The following SYT5 variants were observed in gnomAD, a reference collection of about 807,000 sequenced individuals.
SYT5 encodes the protein synaptotagmin 5.
In SYT5, 29 loss-of-function variants were observed where a neutral mutation model predicts 36.0. The observed-to-expected ratio is 0.81, with a 90% CI of 0.60 to 1.10. The LOEUF (loss-of-function observed/expected upper bound fraction) is 1.10. Ranked by LOEUF, SYT5 falls within the 50% of genes least tolerant of loss-of-function variation. SYT5 has a pLI of 0.00. For missense variants in SYT5, 512 were observed against 516.0 expected (o/e 0.99, Z 0.08); for synonymous variants, 231 against 227.6 (o/e 1.02, Z -0.14).
Position 55,175,428 on chromosome 19 carries a change from G to A in SYT5, c.541-89C>T. 1.5e-6 allele frequency: 2 copies of A among 1,373,816 alleles called. No homozygotes were observed. The highest frequency in any genetic ancestry group is 1.9e-4 in the Middle Eastern group (1 of 5,334). 85.1% of individuals were successfully genotyped at this position (1,373,816 alleles called of 1,614,324 possible). A position where few individuals can be genotyped will look rare whatever the true frequency, so the allele number is the denominator to read the frequency against. On this transcript the variant is annotated intron_variant, in intron 5 of 8. Coordinates refer to ENST00000354308, the MANE Select transcript of SYT5 (RefSeq NM_003180.3). The surrounding 1 kb of genome is among the most constrained non-coding windows in gnomAD (Gnocchi z 4.5). ...AACCAGAAGGAAGGCATGGAGTGAG[G>A]CAGCGAGGGTCGAAGCGAACAGTTG...
Position 55,175,074 on chromosome 19 carries a change from C to T in SYT5, c.709-75G>A. On this transcript the variant is annotated intron_variant, in intron 6 of 8. Transcript: ENST00000354308. This position sits in a 1 kb window ranked among gnomAD's most constrained non-coding sequence, Gnocchi z 4.5. ...TCCTCAGGGGTACAATCCACGCCGC[C>T]CTGAGGGTCTGGAAAGCCTATGATC... is the stretch of plus-strand genomic sequence containing the variant. 1.3e-6 allele frequency: 2 copies of T among 1,597,556 alleles called. No homozygotes were observed. The highest frequency in any genetic ancestry group is 2.7e-5 in the African/African-American group (2 of 74,850).
Position 55,178,276 on chromosome 19 carries a change from G to A in SYT5, c.172C>T (p.Arg58Trp), listed in dbSNP as rs752788782. ...TGGGCCTGGCTCTTCTTGCCTGTCC[G>A]CCTCCGACAGCTCTTCCGGTAGAGA... Reference protein sequence around the residue: ...FCLYRKSCRRRTGKKSQAQAQ... With the variant: ...FCLYRKSCRRWTGKKSQAQAQ... Residue 58 changes from arginine (R) to tryptophan (W), a missense_variant, in exon 3 of 9, where the codon CGG (arginine) becomes TGG (tryptophan). Arg to Trp is a moderately radical substitution (Grantham distance 101). Transcript: ENST00000354308. 23 of 1,610,598 alleles carry A rather than the reference G, an allele frequency of 1.4e-5. No individual in the cohort carries two copies. The highest frequency in any genetic ancestry group is 1.9e-5 in the Non-Finnish European group (22 of 1,178,726).
At position 55,173,999 on chromosome 19, in the gene SYT5, C is replaced by T; in HGVS notation, c.961-315G>A. ...GAGCCGCAAAGCTGCAGAACTTTAA[C>T]AGGGGCCGGGCTAGGGTAGGCGCCG... On this transcript the variant is annotated intron_variant, in intron 8 of 8. Coordinates refer to ENST00000354308, the MANE Select transcript of SYT5 (RefSeq NM_003180.3). The surrounding 1 kb of genome is among the most constrained non-coding windows in gnomAD (Gnocchi z 5.4). 6.0e-6 allele frequency: 2 copies of T among 335,482 alleles called. No homozygotes were observed. Among genetic ancestry groups the T allele is most frequent in the Non-Finnish European group, 5.4e-6 (1 of 186,508 alleles). 20.8% of individuals were successfully genotyped at this position (335,482 alleles called of 1,614,324 possible).
At position 55,180,155 on chromosome 19, in the gene SYT5, G is replaced by C. The variant is rs539023216; in HGVS notation, c.-84C>G. ...GGACGGGACACTCCCGGGAGACGCC[G>C]AGGCGCCAGCCCCGCCCGGACCCCA... On this transcript the variant is annotated 5_prime_UTR_variant, in exon 1 of 9. Coordinates refer to ENST00000354308, the MANE Select transcript of SYT5 (RefSeq NM_003180.3). 6.6e-6 allele frequency: 1 copy of C among 152,292 alleles called. No homozygotes were observed. The highest frequency in any genetic ancestry group is 1.5e-5 in the Non-Finnish European group (1 of 68,108). The allele number at this position is 152,292 out of a possible 1,614,324, so 9.4% of individuals were successfully genotyped here.
chr19:55,173,846 G>T lies in SYT5; in HGVS notation c.961-162C>A. On this transcript the variant is annotated intron_variant, in intron 8 of 8. Transcript: ENST00000354308. This position sits in a 1 kb window ranked among gnomAD's most constrained non-coding sequence, Gnocchi z 5.4. ...GAGGGGGTGGGAGACGAGAGGGACG[G>T]AGCCTGCGGCGAGGAGGAGGCTCTG... 3.1e-6 allele frequency: 2 copies of T among 643,712 alleles called. No individual in the cohort carries two copies. Among genetic ancestry groups the T allele is most frequent in the Non-Finnish European group, 4.6e-6 (2 of 434,276 alleles). The allele number at this position is 643,712 out of a possible 1,614,324, so 39.9% of individuals were successfully genotyped here. A position where few individuals can be genotyped will look rare whatever the true frequency, so the allele number is the denominator to read the frequency against.
At position 55,171,252 on chromosome 19, in the gene SYT5, G is replaced by A. The variant is rs2086003219; in HGVS notation, c.*2232C>T. 6.6e-6 allele frequency: 1 copy of A among 151,194 alleles called. No homozygotes were observed. The highest frequency in any genetic ancestry group is 1.5e-5 in the Non-Finnish European group (1 of 67,892). 9.4% of individuals were successfully genotyped at this position (151,194 alleles called of 1,614,324 possible). On this transcript the variant is annotated 3_prime_UTR_variant, in exon 9 of 9. Coordinates refer to ENST00000354308, the MANE Select transcript of SYT5 (RefSeq NM_003180.3). ...TGAGTTTGCTGTGAGGATTATTATT[G>A]GCAGTAATAGTAGTAACATAAAGGG...
Position 55,178,285 on chromosome 19 carries a change from A to C in SYT5, c.163T>G (p.Cys55Gly). ...SCCFCLYRKS[C>G]RRRTGKKSQA... ...CTCTTCTTGCCTGTCCGCCTCCGAC[A>C]GCTCTTCCGGTAGAGACAGAAACAG... Residue 55 changes from cysteine (C) to glycine (G), a missense_variant, in exon 3 of 9, where the codon TGT (cysteine) becomes GGT (glycine). Transcript: ENST00000354308. 1.2e-6 allele frequency: 2 copies of C among 1,611,746 alleles called. No individual in the cohort carries two copies.
At chr19:55,174,494 G>C in intron 8 of SYT5, 23 bp downstream of exon 8, 2 of 1,611,234 alleles carry the variant, frequency 1.2e-6, no homozygotes, top group South Asian at 2.2e-5. Context: ...TGGGCTCTTG[G>C]AGAAGGGCAG....
Position 55,175,477 on chromosome 19 carries a change from A to G in SYT5, c.541-138T>C. The G allele has an allele frequency of 8.7e-7, 1 of 1,144,456 alleles. No individual in the cohort carries two copies. Among genetic ancestry groups the G allele is most frequent in the South Asian group, 1.6e-5 (1 of 61,534 alleles). 70.9% of individuals were successfully genotyped at this position (1,144,456 alleles called of 1,614,324 possible). A position where few individuals can be genotyped will look rare whatever the true frequency, so the allele number is the denominator to read the frequency against. ...TGGGGGAACTCAAATGGGAAAGTCCAGGGATCCATGCGGAAAAAAATCACG... is the reference window on the plus strand; with the variant it reads ...TGGGGGAACTCAAATGGGAAAGTCCGGGGATCCATGCGGAAAAAAATCACG... On this transcript the variant is annotated intron_variant, in intron 5 of 8. Transcript: ENST00000354308. The surrounding 1 kb of genome is among the most constrained non-coding windows in gnomAD (Gnocchi z 4.5).
Position 55,175,127 on chromosome 19 carries a change from A to G in SYT5, c.708+45T>C, listed in dbSNP as rs12459887. The G allele has an allele frequency of 0.053, 82,872 of 1,576,980 alleles. 6,516 individuals carry two copies. Among genetic ancestry groups the G allele is most frequent in the Admixed American group, 0.33 (17,857 of 54,490 alleles). On this transcript the variant is annotated intron_variant, in intron 6 of 8. Coordinates refer to ENST00000354308, the MANE Select transcript of SYT5 (RefSeq NM_003180.3). This position sits in a 1 kb window ranked among gnomAD's most constrained non-coding sequence, Gnocchi z 4.5. ...ATTGGCTCAGGATGTTGTGGGCGGG[A>G]CTGGGCCTGGGGGCGTGGCTCGGGG...
Position 55,175,627 on chromosome 19 carries a change from G to A in SYT5, c.540+82C>T. ...CCACCTGAGCTGTGGCCGCCTCCAG[G>A]AAAAGCGGAAGGGGTCGGTCCCTAG... is the stretch of plus-strand genomic sequence containing the variant. On this transcript the variant is annotated intron_variant, in intron 5 of 8. Coordinates refer to ENST00000354308, the MANE Select transcript of SYT5 (RefSeq NM_003180.3). The surrounding 1 kb of genome is among the most constrained non-coding windows in gnomAD (Gnocchi z 4.5). 2 of 1,545,548 alleles carry A rather than the reference G, an allele frequency of 1.3e-6. No individual in the cohort carries two copies. Among genetic ancestry groups the A allele is most frequent in the Non-Finnish European group, 1.8e-6 (2 of 1,141,044 alleles).
rs537732381 is a variant in SYT5, at chr19:55,178,362, G to T, written c.86C>A (p.Pro29His). 2.5e-6 allele frequency: 4 copies of T among 1,610,230 alleles called. No homozygotes were observed. Among genetic ancestry groups the T allele is most frequent in the Non-Finnish European group, 3.4e-6 (4 of 1,178,936 alleles). Residue 29 changes from proline (P) to histidine (H), a missense_variant, in exon 3 of 9, where the codon CCC becomes CAC. Pro to His is a moderately conservative substitution (Grantham distance 77). Coordinates refer to ENST00000354308, the MANE Select transcript of SYT5 (RefSeq NM_003180.3). ...SSRISHGPVP[P>H]WALATIVLVS... is the part of the protein sequence containing the mutation. ...CAGCACGATGGTGGCCAGGGCCCAG[G>T]GGGGCACTGCAGAGGGGTGGAGACA...
chr19:55,178,336 C>A lies in SYT5; in HGVS notation c.112G>T (p.Val38Phe). ...PPWALATIVL[V>F]SGLLIFSCCF... ...CAGCTGAAGATGAGGAGGCCTGAGA[C>A]CAGCACGATGGTGGCCAGGGCCCAG... Residue 38 changes from valine (V) to phenylalanine (F), a missense_variant, in exon 3 of 9, where the codon GTC becomes TTC. By Grantham distance (50) the Val-to-Phe change is conservative. Transcript: ENST00000354308. The A allele has an allele frequency of 6.2e-7, 1 of 1,612,062 alleles. No individual in the cohort carries two copies. Among genetic ancestry groups the A allele is most frequent in the African/African-American group, 1.3e-5 (1 of 75,062 alleles).
chr19:55,175,473 G>A lies in SYT5; in HGVS notation c.541-134C>T. The A allele has an allele frequency of 8.7e-7, 1 of 1,151,276 alleles. No individual in the cohort carries two copies. The highest frequency in any genetic ancestry group is 2.6e-5 in the East Asian group (1 of 38,698). 71.3% of individuals were successfully genotyped at this position (1,151,276 alleles called of 1,614,324 possible). ...CAGTTGGGGGAACTCAAATGGGAAA[G>A]TCCAGGGATCCATGCGGAAAAAAAT... On this transcript the variant is annotated intron_variant, in intron 5 of 8. Transcript: ENST00000354308. This position sits in a 1 kb window ranked among gnomAD's most constrained non-coding sequence, Gnocchi z 4.5.
In SYT5 at chr19:55,178,157, C is replaced by T. The variant is rs146119895; in HGVS notation, c.252+39G>A. On this transcript the variant is annotated intron_variant, in intron 3 of 8. Coordinates refer to ENST00000354308, the MANE Select transcript of SYT5 (RefSeq NM_003180.3). ...CTGGGCCATTGAGAGGAGCAGGGTG[C>T]GGGAAGGGGCCAGGTGGAGGGGCTG... 7.7e-5 allele frequency: 123 copies of T among 1,589,948 alleles called. 2 individuals carry two copies. In the African/African-American group the frequency reaches 8.6e-4, roughly 11 times the overall value.
In SYT5 at chr19:55,175,291, C is replaced by G; in HGVS notation, c.589G>C (p.Asp197His). 6.3e-7 allele frequency: 1 copy of G among 1,588,366 alleles called. No individual in the cohort carries two copies. The highest frequency in any genetic ancestry group is 1.7e-4 in the Middle Eastern group (1 of 5,932). The change falls in exon 6 of 9, where the codon GAC (aspartate) becomes CAC (histidine). Residue 197 changes from aspartate to histidine, a missense_variant. Coordinates refer to ENST00000354308, the MANE Select transcript of SYT5 (RefSeq NM_003180.3). The surrounding 1 kb of genome is among the most constrained non-coding windows in gnomAD (Gnocchi z 4.5). Reference sequence around the variant, plus strand: ...TCATTGCGAGAGAAGCGGTCGAAGTCGTACACCGCCATGACCAGCACCCTG... The same window carrying G: ...TCATTGCGAGAGAAGCGGTCGAAGTGGTACACCGCCATGACCAGCACCCTG... Reference protein sequence around the residue: ...GGRVLVMAVYDFDRFSRNDAI... With the variant: ...GGRVLVMAVYHFDRFSRNDAI...
In SYT5 at chr19:55,173,417, TG is replaced by T; in HGVS notation, c.*66del. 1 of 1,275,764 alleles carries T rather than the reference TG, an allele frequency of 7.8e-7. No individual in the cohort carries two copies. The highest frequency in any genetic ancestry group is 9.9e-7 in the Non-Finnish European group (1 of 1,006,006). 79.0% of individuals were successfully genotyped at this position (1,275,764 alleles called of 1,614,324 possible). On this transcript the variant is annotated 3_prime_UTR_variant, in exon 9 of 9. Transcript: ENST00000354308. The surrounding 1 kb of genome is among the most constrained non-coding windows in gnomAD (Gnocchi z 5.4). ...CTTAAGGGTGGGGCTGGCTTGGCTT[TG>T]GCCGGTCTCGGGAGTCTGGGGTCAG...
Position 55,175,456 on chromosome 19 carries a change from G to A in SYT5, c.541-117C>T. ...GCGAGGGTCGAAGCGAACAGTTGGG[G>A]GAACTCAAATGGGAAAGTCCAGGGA... On this transcript the variant is annotated intron_variant, in intron 5 of 8. Coordinates refer to ENST00000354308, the MANE Select transcript of SYT5 (RefSeq NM_003180.3). The surrounding 1 kb of genome is among the most constrained non-coding windows in gnomAD (Gnocchi z 4.5). The A allele has an allele frequency of 8.1e-7, 1 of 1,234,408 alleles. No homozygotes were observed. Among genetic ancestry groups the A allele is most frequent in the South Asian group, 1.6e-5 (1 of 63,672 alleles). 76.5% of individuals were successfully genotyped at this position (1,234,408 alleles called of 1,614,324 possible). A position where few individuals can be genotyped will look rare whatever the true frequency, so the allele number is the denominator to read the frequency against.
chr19:55,173,370 G>T lies in SYT5; in HGVS notation c.*114C>A. Reference sequence around the variant, plus strand: ...CAGATGGTTGGGGTGGAAGGTGGGGGGAGGGTAACCGTCAGAGGAAGCTTA... The same window carrying T: ...CAGATGGTTGGGGTGGAAGGTGGGGTGAGGGTAACCGTCAGAGGAAGCTTA... On this transcript the variant is annotated 3_prime_UTR_variant, in exon 9 of 9. Coordinates refer to ENST00000354308, the MANE Select transcript of SYT5 (RefSeq NM_003180.3). This position sits in a 1 kb window ranked among gnomAD's most constrained non-coding sequence, Gnocchi z 5.4. The T allele has an allele frequency of 1.2e-6, 1 of 828,582 alleles. No homozygotes were observed. Among genetic ancestry groups the T allele is most frequent in the Non-Finnish European group, 1.7e-6 (1 of 600,360 alleles). The allele number at this position is 828,582 out of a possible 1,614,324, so 51.3% of individuals were successfully genotyped here.
Sources: gnomAD v4.1 joint callset for allele counts on GRCh38, gnomAD v4.1.1 for gene constraint, Gnocchi (gnomAD v3.1) non-coding constraint, MANE v1.5 for transcripts, NCBI Gene and HGNC (gene_info 2026-07-23, HGNC 2026-07-21) for gene names.